FMNL3: variants seen among roughly 807,000 people sequenced by gnomAD.
FMNL3 encodes formin-like protein 3.
In FMNL3, 57 loss-of-function variants were observed where a neutral mutation model predicts 119.6. The observed-to-expected ratio is 0.48, with a 90% CI of 0.39 to 0.59. The LOEUF (loss-of-function observed/expected upper bound fraction) is 0.59, where lower values mean the gene tolerates loss of function less well. FMNL3 is among the 20% of genes least tolerant of loss of function. The pLI, the probability that FMNL3 is intolerant of heterozygous loss-of-function variation, is 0.00. For synonymous variants in FMNL3, 491 were observed against 507.3 expected (o/e 0.97, Z 0.43); for missense variants, 1,053 against 1,323.5 (o/e 0.80, Z 3.17).
At chr12:49,661,392 C>T (rs1286026020) in intron 5 of FMNL3, among the ~76,000 whole-genome samples, 1 of 152,162 alleles carries the variant, frequency 6.6e-6, no homozygotes, top group Admixed American at 6.5e-5. Flanking sequence ...GACTCAAGAG[C>T]TCTCATTCCT....
Position 49,647,914 on chromosome 12 carries a change from A to G in FMNL3, c.2677-110T>C, listed in dbSNP as rs954300745. The G allele has an allele frequency of 6.5e-6, 6 of 925,076 alleles. No homozygotes were observed. Among genetic ancestry groups the G allele is most frequent in the Non-Finnish European group, 9.8e-6 (6 of 612,352 alleles). 57.3% of individuals were successfully genotyped at this position (925,076 alleles called of 1,614,324 possible). A position where few individuals can be genotyped will look rare whatever the true frequency, so the allele number is the denominator to read the frequency against. On this transcript the variant is annotated intron_variant, in intron 22 of 25. Coordinates refer to ENST00000335154, the MANE Select transcript of FMNL3 (RefSeq NM_175736.5). This position sits in a 1 kb window ranked among gnomAD's most constrained non-coding sequence, Gnocchi z 4.9. ...CAGAGCCCAGGGCCAAAGGGAGGAA[A>G]ACCAAGCACCCAGGCCCCTGTGAGC...
At chr12:49,660,466 T>C (rs1247071984) in intron 5 of FMNL3, among the ~76,000 whole-genome samples, 1 of 152,220 alleles carries the variant, frequency 6.6e-6, no homozygotes, top group Non-Finnish European at 1.5e-5. Flanking sequence ...AGAATTTTTT[T>C]TAGGAGATAA....
chr12:49,673,823 G>A (rs562056200), intron 1 of FMNL3, among the ~76,000 whole-genome samples: 7 of 152,360 alleles, frequency 4.6e-5, no homozygotes, highest in East Asian at 3.9e-4. Flanking sequence ...CCGCCTCCAC[G>A]TCACTGTTTG....
At chr12:49,654,451 G>C in intron 10 of FMNL3, 149 bp from the exon 11 acceptor site, 1 of 602,812 alleles carries the variant, frequency 1.7e-6, no homozygotes, top group Non-Finnish European at 2.9e-6. Flanking sequence ...GGGGCAATAA[G>C]AGTATTTTAA....
chr12:49,704,393 G>A (rs1944986793), intron 1 of FMNL3, among the ~76,000 whole-genome samples: 1 of 152,160 alleles, frequency 6.6e-6, no homozygotes, highest in South Asian at 2.1e-4. Context: ...CAGTTTATCT[G>A]ACTGTTTCAC....
At chr12:49,697,569 T>C (rs1944784595) in intron 1 of FMNL3, among the ~76,000 whole-genome samples, 1 of 152,148 alleles carries the variant, frequency 6.6e-6, no homozygotes, top group African/African-American at 2.4e-5. Flanking sequence ...TCCCAGTCAG[T>C]ATGATAATCA....
At chr12:49,658,317 G>T in intron 6 of FMNL3, 125 bp downstream of exon 6, 1 of 1,344,066 alleles carries the variant, frequency 7.4e-7, no homozygotes, top group East Asian at 2.5e-5. Context: ...CTGGCAGGCA[G>T]AGGGCAAGAG....
At position 49,641,883 on chromosome 12, in the gene FMNL3, G is replaced by C; in HGVS notation, c.*3932C>G. The C allele has an allele frequency of 6.2e-7, 1 of 1,606,246 alleles. No homozygotes were observed. Among genetic ancestry groups the C allele is most frequent in the Non-Finnish European group, 8.5e-7 (1 of 1,175,064 alleles). Reference sequence around the variant, plus strand: ...TTGGCCTCAGGCACGTGGTGCCCCTGCTTCATGCACTGCTGTACCCACAGG... The same window carrying C: ...TTGGCCTCAGGCACGTGGTGCCCCTCCTTCATGCACTGCTGTACCCACAGG... On this transcript the variant is annotated 3_prime_UTR_variant, in exon 26 of 26. Coordinates refer to ENST00000335154, the MANE Select transcript of FMNL3 (RefSeq NM_175736.5).
chr12:49,655,411 A>G (rs1943539174), intron 9 of FMNL3, among the ~76,000 whole-genome samples: 1 of 152,200 alleles, frequency 6.6e-6, no homozygotes, highest in Admixed American at 6.5e-5. Context: ...CAGCCTGGCC[A>G]CAGAGTGAGA....
chr12:49,701,877 T>C (rs1331282006), intron 1 of FMNL3, among the ~76,000 whole-genome samples: 1 of 152,014 alleles, frequency 6.6e-6, no homozygotes, highest in African/African-American at 2.4e-5. Flanking sequence ...GAGCAGAGAT[T>C]GTACCACTGC....
At chr12:49,696,187 T>A (rs943484081) in intron 1 of FMNL3, among the ~76,000 whole-genome samples, 10 of 152,210 alleles carry the variant, frequency 6.6e-5, no homozygotes, top group Admixed American at 3.9e-4. Flanking sequence ...TCCTCCTGTA[T>A]ACTTTAAATC....
intron 1 of FMNL3, among the ~76,000 whole-genome samples, chr12:49,706,791 G>A (rs896070277): frequency 1.3e-5 from 2 of 152,234 alleles, no homozygotes; most frequent in African/African-American, 4.8e-5. Flanking sequence ...GAAGGAGGGA[G>A]AAGCCTGGTT....
At chr12:49,651,599 C>G (rs1943404615) in intron 14 of FMNL3, 149 bp from the exon 15 acceptor site, 13 of 796,408 alleles carry the variant, frequency 1.6e-5, no homozygotes, top group Non-Finnish European at 2.2e-5. Flanking sequence ...TCAAGCTGCT[C>G]CCAGAAATCT....
At chr12:49,703,454 TA>T (rs1249098139) in intron 1 of FMNL3, among the ~76,000 whole-genome samples, 1 of 152,114 alleles carries the variant, frequency 6.6e-6, no homozygotes, top group African/African-American at 2.4e-5. Flanking sequence ...GCTACTCAGA[TA>T]GGGGGTAAGG....
chr12:49,644,576 C>T lies in FMNL3; in HGVS notation c.*1239G>A. ...CAGTGCCTGCTCCTGCCTGCCCTGG[C>T]CCTGAGGCTCCACCACTTCTTCCTC... On this transcript the variant is annotated 3_prime_UTR_variant, in exon 26 of 26. Transcript: ENST00000335154. 1 of 244,092 alleles carries T rather than the reference C, an allele frequency of 4.1e-6. No individual in the cohort carries two copies. Among genetic ancestry groups the T allele is most frequent in the Non-Finnish European group, 8.2e-6 (1 of 121,878 alleles). The allele number at this position is 244,092 out of a possible 1,614,324, so 15.1% of individuals were successfully genotyped here. A position where few individuals can be genotyped will look rare whatever the true frequency, so the allele number is the denominator to read the frequency against.
chr12:49,637,797 AAAG>A lies in FMNL3; in HGVS notation c.*8015_*8017del, dbSNP rs1256378851. The A allele has an allele frequency of 5.0e-6, 8 of 1,611,490 alleles. No individual in the cohort carries two copies. The highest frequency in any genetic ancestry group is 2.2e-5 in the East Asian group (1 of 44,872). ...AGTTGAAGGCACGATTCCATGATGA[AAAG>A]AAGATCATTAAGGACATCCTTAAGG... On this transcript the variant is annotated 3_prime_UTR_variant, in exon 26 of 26. Transcript: ENST00000335154.
rs1414562041 is a variant in FMNL3 at position 49,649,638 on chromosome 12, A to ATC, written c.2235+52_2235+53insGA. 3.7e-6 allele frequency: 6 copies of ATC among 1,611,276 alleles called. No homozygotes were observed. Among genetic ancestry groups the ATC allele is most frequent in the Non-Finnish European group, 5.1e-6 (6 of 1,177,612 alleles). On this transcript the variant is annotated intron_variant, in intron 18 of 25. Transcript: ENST00000335154. This position sits in a 1 kb window ranked among gnomAD's most constrained non-coding sequence, Gnocchi z 5.6. The stretch of plus-strand genomic sequence containing the variant: ...GAAGGGCAGGGGAGGTGACTAGCAG[A>ATC]TGGAGGGTGGAGGGACAGCTGTCCA...
rs762982824 is a variant in FMNL3, at chr12:49,658,493, G to A, written c.554C>T (p.Ser185Leu). The A allele has an allele frequency of 2.1e-5, 34 of 1,613,292 alleles. No homozygotes were observed. Among genetic ancestry groups the A allele is most frequent in the African/African-American group, 4.0e-5 (3 of 74,912 alleles). ...IEDLQPPSAL[S>L]APFTNSLARS... is the part of the protein sequence containing the mutation. ...AGCGAGGCTGTTGGTGAAGGGGGCC[G>A]ACAGGGCGCTGGGTGGCTGCAGGTC... The change falls in exon 6 of 26, where the codon TCG becomes TTG. Residue 185 changes from serine to leucine, a missense_variant. This residue lies in a region of FMNL3 where 264 missense variants were observed against 265.5 expected (regional missense o/e 0.99). Coordinates refer to ENST00000335154, the MANE Select transcript of FMNL3 (RefSeq NM_175736.5).
intron 1 of FMNL3, among the ~76,000 whole-genome samples, chr12:49,696,252 G>A (rs1944747273): frequency 6.6e-6 from 1 of 152,116 alleles, no homozygotes; most frequent in African/African-American, 2.4e-5. Context: ...AAATACAGTT[G>A]TCCCTCAGTA....
Sources: allele counts gnomAD v4.1 joint callset (sites outside exome capture counted in the v4.1 genomes callset), GRCh38; gene constraint gnomAD v4.1.1; regional missense constraint gnomAD v4.1.1; non-coding constraint Gnocchi (gnomAD v3.1); transcripts MANE v1.5; gene names NCBI Gene and HGNC (gene_info 2026-07-23, HGNC 2026-07-21).